The following TBXAS1 variants were observed in gnomAD, a reference collection of about 807,000 sequenced individuals.
The protein encoded by TBXAS1 is thromboxane A synthase 1.
Under a neutral mutation model 60.7 loss-of-function variants are expected in TBXAS1, and 48 were observed. That is an observed-to-expected ratio of 0.79 (90% CI 0.63 to 1.01). The LOEUF is 1.01. Ranked by LOEUF, TBXAS1 falls within the 50% of genes least tolerant of loss-of-function variation. The pLI, the probability that TBXAS1 is intolerant of heterozygous loss-of-function variation, is 0.00. For missense variants in TBXAS1, 685 were observed against 686.3 expected, an observed-to-expected ratio of 1.00 and a Z score of 0.02; for synonymous variants, 287 against 269.7, an observed-to-expected ratio of 1.06 and a Z score of -0.63.
intron 5 of TBXAS1, among the ~76,000 whole-genome samples, chr7:139,945,395 G>A (rs1164023029): frequency 2.6e-5 from 4 of 152,228 alleles, no homozygotes; most frequent in Non-Finnish European, 5.9e-5. Flanking sequence ...ACCAGCATGA[G>A]TCTCAGCTTT....
intron 9 of TBXAS1, among the ~76,000 whole-genome samples, chr7:139,978,832 G>A (rs1170488963): frequency 3.3e-5 from 5 of 151,574 alleles, no homozygotes; most frequent in Non-Finnish European, 7.4e-5. Flanking sequence ...GTGCGTGCTC[G>A]TACTCCCAGC....
intron 12 of TBXAS1, among the ~76,000 whole-genome samples, chr7:140,018,163 T>C (rs1815252973): frequency 6.6e-6 from 1 of 152,154 alleles, no homozygotes; most frequent in South Asian, 2.1e-4. Flanking sequence ...TTGCTGTAGC[T>C]CTTCCCACTT....
chr7:139,844,076 G>A (rs540494247), intron 1 of TBXAS1, among the ~76,000 whole-genome samples: 76 of 152,308 alleles, frequency 5.0e-4, no homozygotes, highest in South Asian at 2.3e-3. Context: ...TAGAGGAATT[G>A]CCCCATTTGA....
chr7:139,994,297 C>T (rs1813141773), intron 9 of TBXAS1, among the ~76,000 whole-genome samples: 1 of 152,256 alleles, frequency 6.6e-6, no homozygotes, highest in Admixed American at 6.5e-5. Context: ...CCTGCCTTGG[C>T]CTCCCAAAGT....
chr7:140,017,916 T>TG, intron 12 of TBXAS1, 83 bp downstream of exon 12: 2 of 1,593,156 alleles, frequency 1.3e-6, no homozygotes, highest in South Asian at 2.2e-5. Flanking sequence ...CAGGCCAGCC[T>TG]GGGGGCAACA....
At chr7:140,007,043 G>A in intron 9 of TBXAS1, 48 bp from the exon 10 acceptor site, 1 of 1,521,460 alleles carries the variant, frequency 6.6e-7, no homozygotes, top group Non-Finnish European at 9.1e-7. Flanking sequence ...AATGCTGTGA[G>A]ATTTGGGCTA....
intron 1 of TBXAS1, among the ~76,000 whole-genome samples, chr7:139,831,489 C>T (rs1238468382): frequency 6.6e-6 from 1 of 152,148 alleles, no homozygotes; most frequent in Non-Finnish European, 1.5e-5. Flanking sequence ...GATTCACAGG[C>T]AAGGAAAGAT....
chr7:139,819,311 G>A (rs1481359954), intron 4 of TBXAS1, among the ~76,000 whole-genome samples: 3 of 152,166 alleles, frequency 2.0e-5, no homozygotes, highest in Non-Finnish European at 4.4e-5. Flanking sequence ...GGTTCCAGTG[G>A]ACGACAGGGT....
At chr7:139,908,083 T>C (rs371772653) in intron 3 of TBXAS1, among the ~76,000 whole-genome samples, 26 of 152,050 alleles carry the variant, frequency 1.7e-4, no homozygotes, top group Non-Finnish European at 1.2e-4. Flanking sequence ...ATCCATTTTA[T>C]TGATATTTTC....
At chr7:139,875,666 T>G (rs1357227441) in intron 3 of TBXAS1, 29 bp downstream of exon 3, 3 of 1,613,356 alleles carry the variant, frequency 1.9e-6, no homozygotes, top group East Asian at 4.5e-5. Flanking sequence ...GTTTCTATTA[T>G]GTACGATATT....
chr7:139,982,006 G>A (rs1037821999), intron 9 of TBXAS1, among the ~76,000 whole-genome samples: 2 of 152,152 alleles, frequency 1.3e-5, no homozygotes, highest in Non-Finnish European at 2.9e-5. Flanking sequence ...AAGTTTTGTA[G>A]TTTGAAGCAG....
intron 1 of TBXAS1, among the ~76,000 whole-genome samples, chr7:139,840,402 T>C (rs1325783774): frequency 6.6e-6 from 1 of 152,194 alleles, no homozygotes; most frequent in African/African-American, 2.4e-5. Context: ...TAAAAGTGTT[T>C]AGGAAATTAA....
At chr7:139,820,574 G>A (rs1476105165) in intron 4 of TBXAS1, among the ~76,000 whole-genome samples, 6 of 152,012 alleles carry the variant, frequency 3.9e-5, no homozygotes, top group African/African-American at 1.5e-4. Flanking sequence ...GAAAATAGAC[G>A]GGTTACAGTT....
chr7:139,779,481 C>A (rs2117211663), intron 1 of TBXAS1, among the ~76,000 whole-genome samples: 1 of 152,318 alleles, frequency 6.6e-6, no homozygotes, highest in East Asian at 1.9e-4. Flanking sequence ...GCCAGCCCTG[C>A]CCTTTTAGAG....
chr7:139,863,156 C>A (rs1243034680), intron 1 of TBXAS1, among the ~76,000 whole-genome samples: 2 of 152,150 alleles, frequency 1.3e-5, no homozygotes, highest in African/African-American at 4.8e-5. Context: ...GCCTGAGACA[C>A]AGGAAACTAA....
chr7:139,805,706 C>CTTTT (rs748805326), intron 4 of TBXAS1, among the ~76,000 whole-genome samples: 1 of 49,502 alleles, frequency 2.0e-5, no homozygotes, highest in Non-Finnish European at 3.5e-5. Context: ...TTCTTTCTTT[C>CTTTT]TTTCTTTCTC....
chr7:139,953,622 A>G, intron 6 of TBXAS1, 166 bp downstream of exon 6: 4 of 676,300 alleles, frequency 5.9e-6, no homozygotes. Flanking sequence ...AACCCACTTA[A>G]CATGGGAAAG....
intron 1 of TBXAS1, among the ~76,000 whole-genome samples, chr7:139,830,414 T>C (rs1047747853): frequency 6.6e-6 from 1 of 152,272 alleles, no homozygotes; most frequent in African/African-American, 2.4e-5. Context: ...ATTATTCTTT[T>C]GGAATTTGCA....
intron 11 of TBXAS1, among the ~76,000 whole-genome samples, 192 bp downstream of exon 11, chr7:140,016,052 C>T (rs187580679): frequency 9.9e-5 from 15 of 151,980 alleles, no homozygotes; most frequent in South Asian, 6.2e-4. Flanking sequence ...TTTTTAGCCA[C>T]GCGTGGTGGC....
Sources: allele counts gnomAD v4.1 joint callset (sites outside exome capture counted in the v4.1 genomes callset), GRCh38; gene constraint gnomAD v4.1.1; transcripts MANE v1.5; gene names NCBI Gene and HGNC (gene_info 2026-07-23, HGNC 2026-07-21).